Variants in MATR3 observed in about 807,000 individuals in gnomAD.
MATR3 encodes the protein matrin-3.
Under a neutral mutation model 85.5 loss-of-function variants are expected in MATR3, and 4 were observed. The observed-to-expected ratio is 0.05, with a 90% CI of 0.02 to 0.11. The LOEUF is 0.11. Ranked by LOEUF, MATR3 falls within the 10% of genes least tolerant of loss-of-function variation. The probability of loss-of-function intolerance (pLI) is 1.00; values close to 1 mark genes in which losing one functional copy is unlikely to be tolerated. For synonymous variants in MATR3, 336 were observed against 343.1 expected (o/e 0.98, Z 0.23); for missense variants, 685 against 1,016.1 (o/e 0.67, Z 4.43).
chr5:139,324,987 C>A (rs542682861), intron 12 of MATR3, among the ~76,000 whole-genome samples: 1 of 151,856 alleles, frequency 6.6e-6, no homozygotes, highest in African/African-American at 2.4e-5. Flanking sequence ...GTCAGGAGAT[C>A]GAGACCATCC....
At position 139,322,979 on chromosome 5, in the gene MATR3, T is replaced by C; in HGVS notation, c.2148+12T>C. 1 of 1,542,670 alleles carries C rather than the reference T, an allele frequency of 6.5e-7. No homozygotes were observed. The highest frequency in any genetic ancestry group is 8.9e-7 in the Non-Finnish European group (1 of 1,124,946). On this transcript the variant is annotated intron_variant, in intron 12 of 14. Transcript: ENST00000394805. ...AAAAGCTTAAAAAGGTAAAGAAAGA[T>C]ACATTGATTTGTTTTAATAGAACAT...
chr5:139,307,223 G>A lies in MATR3; in HGVS notation c.-177-16G>A, dbSNP rs1754755975. The A allele has an allele frequency of 1.6e-6, 2 of 1,274,048 alleles. No individual in the cohort carries two copies. Among genetic ancestry groups the A allele is most frequent in the East Asian group, 3.1e-5 (1 of 32,472 alleles). The allele number at this position is 1,274,048 out of a possible 1,614,324, so 78.9% of individuals were successfully genotyped here. On this transcript the variant is annotated splice_polypyrimidine_tract_variant and intron_variant, in intron 1 of 14. Coordinates refer to ENST00000394805, the MANE Select transcript of MATR3 (RefSeq NM_018834.6). The surrounding 1 kb of genome is among the most constrained non-coding windows in gnomAD (Gnocchi z 4.4). ...CTTAAAGGGATTTATGACTAAAATT[G>A]CTTATTTTTCTACAGAGTTGTCTGC...
chr5:139,302,215 G>A (rs1428707055), intron 1 of MATR3, among the ~76,000 whole-genome samples: 6 of 151,982 alleles, frequency 3.9e-5, no homozygotes, highest in Admixed American at 3.9e-4. Flanking sequence ...TGCCCGCCTC[G>A]GCCTCCCAAA....
chr5:139,292,702 G>A (rs2151911318), upstream of MATR3, among the ~76,000 whole-genome samples: 1 of 152,348 alleles, frequency 6.6e-6, no homozygotes, highest in South Asian at 2.1e-4. Context: ...CACTTTGGGA[G>A]GCCGAGGCGG....
chr5:139,328,577 T>C (rs1755973992), intron 14 of MATR3, among the ~76,000 whole-genome samples: 1 of 152,220 alleles, frequency 6.6e-6, no homozygotes, highest in South Asian at 2.1e-4. Context: ...CATTTAAGTG[T>C]CATCTATAGT....
intron 2 of MATR3, among the ~76,000 whole-genome samples, chr5:139,309,219 T>C (rs1754850803): frequency 6.6e-6 from 1 of 152,186 alleles, no homozygotes; most frequent in African/African-American, 2.4e-5. Context: ...ATTCTGACTT[T>C]TTTTCCCCCA....
intron 1 of MATR3, among the ~76,000 whole-genome samples, chr5:139,297,017 C>A (rs531690896): frequency 9.4e-4 from 143 of 152,224 alleles, no homozygotes; most frequent in Non-Finnish European, 1.8e-3. Flanking sequence ...CTAAAAATTA[C>A]AAAAATTAGC....
At chr5:139,295,865 G>A (rs902858072) in intron 1 of MATR3, among the ~76,000 whole-genome samples, 1 of 152,086 alleles carries the variant, frequency 6.6e-6, no homozygotes, top group African/African-American at 2.4e-5. Context: ...GCCCAGACTG[G>A]AGTGCAGTGG....
At chr5:139,279,037 T>A (rs1467669130) in intron 2 of MATR3, 1 of 490,944 alleles carries the variant, frequency 2.0e-6, no homozygotes, top group South Asian at 1.5e-5. Context: ...ATTCTTTACC[T>A]CTTTGAATCC....
At chr5:139,289,807 A>G (rs1032760175), upstream of MATR3, among the ~76,000 whole-genome samples, 2 of 152,044 alleles carry the variant, frequency 1.3e-5, no homozygotes, top group Admixed American at 6.6e-5. Flanking sequence ...CATAGCCAAA[A>G]TTTTCTGCAT....
At chr5:139,326,485 A>G (rs975407915) in intron 14 of MATR3, among the ~76,000 whole-genome samples, 2 of 150,850 alleles carry the variant, frequency 1.3e-5, no homozygotes, top group Admixed American at 6.6e-5. Flanking sequence ...CAATGGTGCA[A>G]TCTTGGCTCA....
chr5:139,300,733 C>G (rs1041291824), intron 1 of MATR3, among the ~76,000 whole-genome samples: 18 of 152,124 alleles, frequency 1.2e-4, no homozygotes, highest in Admixed American at 4.6e-4. Flanking sequence ...ACCTCTGCCT[C>G]CAGGGTTCAA....
At chr5:139,323,321 A>ATTAC (rs1755674838) in intron 12 of MATR3, among the ~76,000 whole-genome samples, 1 of 152,136 alleles carries the variant, frequency 6.6e-6, no homozygotes, top group African/African-American at 2.4e-5. Flanking sequence ...GTTTGCAGTA[A>ATTAC]GTTAACTGAC....
At chr5:139,313,567 T>C (rs1404135026) in intron 2 of MATR3, 1 of 152,198 alleles carries the variant, frequency 6.6e-6, no homozygotes, top group African/African-American at 2.4e-5. Flanking sequence ...GTTAACTCAT[T>C]TATATCTGCA....
At chr5:139,310,803 C>CT (rs1273664455) in intron 2 of MATR3, 619 of 143,908 alleles carry the variant, frequency 4.3e-3, no homozygotes, top group African/African-American at 6.4e-3. Flanking sequence ...TTCTTTTTTT[C>CT]TTTTTTTTTT....
chr5:139,322,414 TTG>T (rs751891306), intron 10 of MATR3, 47 bp from the exon 11 acceptor site: 225 of 1,485,938 alleles, frequency 1.5e-4, no homozygotes, highest in Non-Finnish European at 1.9e-4. Flanking sequence ...CACTGGATAA[TTG>T]TGTATTCTGC....
intron 2 of MATR3, chr5:139,310,536 G>C (rs1754916776): frequency 6.6e-6 from 1 of 152,126 alleles, no homozygotes; most frequent in Non-Finnish European, 1.5e-5. Context: ...TTTCTGTGAT[G>C]GAAGTAGATA....
Position 139,322,780 on chromosome 5 carries a change from C to A in MATR3, c.1961C>A (p.Ser654Tyr). 6.2e-7 allele frequency: 1 copy of A among 1,614,138 alleles called. No homozygotes were observed. Among genetic ancestry groups the A allele is most frequent in the Non-Finnish European group, 8.5e-7 (1 of 1,180,024 alleles). Residue 654 changes from serine (S) to tyrosine (Y), a missense_variant, in exon 12 of 15, where the codon TCT (serine) becomes TAT (tyrosine). Physicochemically the swap from Ser to Tyr is moderately radical, Grantham distance 144. Around this residue, in one of 9 missense-constraint regions of MATR3, gnomAD observed 215 missense variants for 194.7 expected, o/e 1.10. Transcript: ENST00000394805. ...TEQEPNMLLESEDELLVDEEE... is the reference protein window; with the variant it reads ...TEQEPNMLLEYEDELLVDEEE... Reference sequence around the variant, plus strand: ...CAGGAACCTAATATGCTTCTTGAATCTGAAGATGAGCTACTTGTAGATGAA... The same window carrying A: ...CAGGAACCTAATATGCTTCTTGAATATGAAGATGAGCTACTTGTAGATGAA...
chr5:139,324,119 A>G (rs534057571), intron 12 of MATR3, among the ~76,000 whole-genome samples: 2 of 152,138 alleles, frequency 1.3e-5, no homozygotes, highest in African/African-American at 2.4e-5. Flanking sequence ...ACGTTTTTCT[A>G]AGTTTAAATT....
Sources: allele counts gnomAD v4.1 joint callset (sites outside exome capture counted in the v4.1 genomes callset), GRCh38; gene constraint gnomAD v4.1.1; regional missense constraint gnomAD v4.1.1; non-coding constraint Gnocchi (gnomAD v3.1); transcripts MANE v1.5; gene names NCBI Gene and HGNC (gene_info 2026-07-23, HGNC 2026-07-21).